NXNL2: variants seen among roughly 807,000 people sequenced by gnomAD.
NXNL2 encodes nucleoredoxin-like protein 2.
Under a neutral mutation model 11.1 loss-of-function variants are expected in NXNL2, and 7 were observed. The ratio of observed to expected loss-of-function variants is 0.63; its 90% CI spans 0.36 to 1.18. NXNL2 has a LOEUF of 1.18. NXNL2 is among the 50% of genes most tolerant of loss of function. The pLI is 0.02. For synonymous variants in NXNL2, 109 were observed against 101.8 expected (o/e 1.07, Z -0.42); for missense variants, 233 against 217.7 (o/e 1.07, Z -0.44).
intron 1 of NXNL2, among the ~76,000 whole-genome samples, chr9:88,539,293 A>C (rs555679064): frequency 6.6e-6 from 1 of 152,282 alleles, no homozygotes; most frequent in Non-Finnish European, 1.5e-5. Flanking sequence ...GACCCATGTC[A>C]GTTGGGAATC....
downstream of NXNL2, among the ~76,000 whole-genome samples, chr9:88,579,724 C>A (rs1163225672): frequency 6.6e-6 from 1 of 152,118 alleles, no homozygotes; most frequent in Non-Finnish European, 1.5e-5. Context: ...ATAAACTCCG[C>A]AATGAAAACC....
At chr9:88,579,784 A>T (rs1363844712), downstream of NXNL2, among the ~76,000 whole-genome samples, 1 of 152,124 alleles carries the variant, frequency 6.6e-6, no homozygotes, top group Non-Finnish European at 1.5e-5. Flanking sequence ...CCCCAAACAA[A>T]TGTCCACCAT....
chr9:88,547,281 G>T (rs1273389205), downstream of NXNL2, among the ~76,000 whole-genome samples: 2 of 152,252 alleles, frequency 1.3e-5, no homozygotes, highest in Admixed American at 1.3e-4. Flanking sequence ...TGGGGCAGGT[G>T]GGGGCCCTCC....
rs565008394 is a variant in NXNL2, at chr9:88,535,834, C to G, written c.302+98C>G. 5.5e-6 allele frequency: 5 copies of G among 912,104 alleles called. 1 individual carries two copies. The highest frequency in any genetic ancestry group is 7.0e-4 in the Middle Eastern group (2 of 2,864). 56.5% of individuals were successfully genotyped at this position (912,104 alleles called of 1,614,324 possible). On this transcript the variant is annotated intron_variant, in intron 1 of 1. Transcript: ENST00000375854. ...GCACTGGGGAGCTCTTTATGACGCC[C>G]CCCCCCAACACCTCCCCGTCTCTCG... is the stretch of plus-strand genomic sequence containing the variant.
chr9:88,539,286 C>T (rs1211493336), intron 1 of NXNL2, among the ~76,000 whole-genome samples: 1 of 152,186 alleles, frequency 6.6e-6, no homozygotes, highest in African/African-American at 2.4e-5. Flanking sequence ...GTGCATGGAC[C>T]CATGTCAGTT....
At chr9:88,576,644 C>T (rs1310932661), downstream of NXNL2, among the ~76,000 whole-genome samples, 4 of 152,104 alleles carry the variant, frequency 2.6e-5, no homozygotes, top group Non-Finnish European at 5.9e-5. Flanking sequence ...TTCCTCGGGG[C>T]CCACAAGCCT....
chr9:88,561,634 T>C (rs57851764), intron 1 of NXNL2, among the ~76,000 whole-genome samples: 2,186 of 151,804 alleles, frequency 0.014, 50 homozygotes, highest in African/African-American at 0.049. Context: ...GGTAGGGGTG[T>C]GGGGATACAA....
At chr9:88,540,395 C>T (rs981997586) in intron 1 of NXNL2, among the ~76,000 whole-genome samples, 12 of 151,890 alleles carry the variant, frequency 7.9e-5, no homozygotes, top group African/African-American at 2.2e-4. Context: ...ACATCTCTGC[C>T]ACATCTTTCA....
At chr9:88,554,359 C>A (rs1230986852) in intron 1 of NXNL2, among the ~76,000 whole-genome samples, 1 of 152,182 alleles carries the variant, frequency 6.6e-6, no homozygotes, top group East Asian at 1.9e-4. Flanking sequence ...GCGTGCACCA[C>A]CACAGCAGCT....
At position 88,560,988 on chromosome 9, in the gene NXNL2, A is replaced by G. The variant is rs537793502; in HGVS notation, c.303-10099A>G. The stretch of plus-strand genomic sequence containing the variant: ...TCTTTATGCAATTAAAAATATATGT[A>G]CACACACAAGAAGACCCCACACATG... On this transcript the variant is annotated intron_variant, in intron 1 of 2. Transcript: ENST00000375855. Among the ~76,000 whole-genome samples the G allele has an allele frequency of 2.0e-5, 3 of 152,342 alleles. No homozygotes were observed. The South Asian group carries it at 6.2e-4, about 32-fold the overall frequency.
chr9:88,581,318 G>A (rs1830405724), intron 1 of NXNL2, among the ~76,000 whole-genome samples: 1 of 152,214 alleles, frequency 6.6e-6, no homozygotes, highest in Non-Finnish European at 1.5e-5. Context: ...GGTCCACAAG[G>A]AGTTCCTCAT....
At position 88,544,804 on chromosome 9, in the gene NXNL2, A is replaced by C. The variant is rs1276789782; in HGVS notation, c.*257A>C. 2 of 1,193,894 alleles carry C rather than the reference A, an allele frequency of 1.7e-6. No individual in the cohort carries two copies. Among genetic ancestry groups the C allele is most frequent in the East Asian group, 8.5e-5 (2 of 23,476 alleles). 74.0% of individuals were successfully genotyped at this position (1,193,894 alleles called of 1,614,324 possible). A position where few individuals can be genotyped will look rare whatever the true frequency, so the allele number is the denominator to read the frequency against. On this transcript the variant is annotated 3_prime_UTR_variant, in exon 2 of 2. Coordinates refer to ENST00000375854, the MANE Select transcript of NXNL2 (RefSeq NM_001161625.2). ...TTTATCCACCTGTGCTTAAGGAAGG[A>C]TCCTCATATGTTCATACTGAGCTGT...
At chr9:88,573,095 T>C (rs1339004992) in intron 2 of NXNL2, among the ~76,000 whole-genome samples, 2 of 152,220 alleles carry the variant, frequency 1.3e-5, no homozygotes, top group African/African-American at 4.8e-5. Flanking sequence ...AGCTTGCTAT[T>C]GAACATTTAT....
Position 88,535,454 on chromosome 9 carries a change from A to G in NXNL2, c.20A>G (p.Glu7Gly), listed in dbSNP as rs1168406698. 1 of 1,603,670 alleles carries G rather than the reference A, an allele frequency of 6.2e-7. No homozygotes were observed. Among genetic ancestry groups the G allele is most frequent in the Non-Finnish European group, 8.5e-7 (1 of 1,175,882 alleles). Reference protein sequence around the residue: MVDILGERHLVTCKGAT... With the variant: MVDILGGRHLVTCKGAT... Reference sequence around the variant, plus strand: ...TGCGCCATGGTTGACATTCTGGGCGAGCGGCACCTGGTGACCTGTAAGGGC... The same window carrying G: ...TGCGCCATGGTTGACATTCTGGGCGGGCGGCACCTGGTGACCTGTAAGGGC... The change falls in exon 1 of 2, where the codon GAG (glutamate) becomes GGG (glycine). Residue 7 changes from glutamate (E) to glycine (G), a missense_variant. By Grantham distance (98) the Glu-to-Gly change is moderately conservative. Transcript: ENST00000375854.
At chr9:88,542,985 T>C (rs1829790593) in intron 1 of NXNL2, among the ~76,000 whole-genome samples, 1 of 152,160 alleles carries the variant, frequency 6.6e-6, no homozygotes, top group African/African-American at 2.4e-5. Flanking sequence ...CTGGCCATGG[T>C]AAACAGGAAA....
chr9:88,576,618 G>A (rs1830351561), downstream of NXNL2, among the ~76,000 whole-genome samples: 1 of 152,214 alleles, frequency 6.6e-6, no homozygotes. Context: ...CAATGGAGGT[G>A]CGGGAGGGGC....
chr9:88,544,101 G>T (rs1829812265), intron 1 of NXNL2, among the ~76,000 whole-genome samples: 1 of 152,200 alleles, frequency 6.6e-6, no homozygotes, highest in South Asian at 2.1e-4. Flanking sequence ...AACGTGGGAG[G>T]TGGAGGTTGC....
At chr9:88,572,714 G>C (rs1489654228) in intron 2 of NXNL2, among the ~76,000 whole-genome samples, 1 of 152,212 alleles carries the variant, frequency 6.6e-6, no homozygotes, top group Non-Finnish European at 1.5e-5. Context: ...GGACACCTTA[G>C]CTCTCCATCC....
intron 2 of NXNL2, among the ~76,000 whole-genome samples, chr9:88,574,279 A>C (rs1830316518): frequency 1.3e-5 from 2 of 152,254 alleles, no homozygotes; most frequent in Non-Finnish European, 2.9e-5. Context: ...ACCAAAGAGT[A>C]TCCGATACAA....
Sources: allele counts gnomAD v4.1 joint callset (sites outside exome capture counted in the v4.1 genomes callset), GRCh38; gene constraint gnomAD v4.1.1; transcripts MANE v1.5; gene names NCBI Gene and HGNC (gene_info 2026-07-23, HGNC 2026-07-21).